KCNQ3: variants seen among roughly 807,000 people sequenced by gnomAD.
KCNQ3 encodes the protein potassium voltage-gated channel subfamily Q member 3, also known as potassium voltage-gated channel subfamily KQT member 3.
A neutral mutation model predicts 92.5 loss-of-function variants in KCNQ3; 30 were observed. The ratio of observed to expected loss-of-function variants is 0.32; its 90% CI spans 0.24 to 0.44. The LOEUF is 0.44. Among genes scored for constraint, KCNQ3 ranks in the 20% least tolerant of loss-of-function variants. The pLI is 1.00. For synonymous variants in KCNQ3, 450 were observed against 468.8 expected (o/e 0.96, Z 0.52); for missense variants, 913 against 1,140.3 (o/e 0.80, Z 2.87).
At chr8:132,438,622 T>C (rs1287050683) in intron 1 of KCNQ3, among the ~76,000 whole-genome samples, 1 of 151,940 alleles carries the variant, frequency 6.6e-6, no homozygotes, top group Non-Finnish European at 1.5e-5. Context: ...TGATGGATGG[T>C]GGTCAGCTGC....
At chr8:132,187,860 G>A (rs1429664237) in intron 1 of KCNQ3, among the ~76,000 whole-genome samples, 1 of 105,808 alleles carries the variant, frequency 9.5e-6, no homozygotes, top group Non-Finnish European at 1.9e-5. Flanking sequence ...TAGTGATGGT[G>A]GTGGTGGTGG....
At chr8:132,345,056 G>C (rs1047494493) in intron 1 of KCNQ3, among the ~76,000 whole-genome samples, 2 of 152,156 alleles carry the variant, frequency 1.3e-5, no homozygotes, top group Non-Finnish European at 2.9e-5. Context: ...TGATCCAGGG[G>C]CATAGATTGG....
At chr8:132,198,529 G>T (rs1827370671) in intron 1 of KCNQ3, among the ~76,000 whole-genome samples, 1 of 152,162 alleles carries the variant, frequency 6.6e-6, no homozygotes, top group South Asian at 2.1e-4. Flanking sequence ...AGGAGTAACG[G>T]CTGAGCACAG....
chr8:132,392,814 A>AAAAAAAAAAAAAAAAAAAC (rs397712411), intron 1 of KCNQ3, among the ~76,000 whole-genome samples: 1 of 144,158 alleles, frequency 6.9e-6, no homozygotes, highest in African/African-American at 2.5e-5. Context: ...AAAAAAAAAA[A>AAAAAAAAAAAAAAAAAAAC]GACGACAAAA....
chr8:132,180,324 A>C lies in KCNQ3; in HGVS notation c.610T>G (p.Phe204Val). 1.9e-6 allele frequency: 3 copies of C among 1,614,074 alleles called. No individual in the cohort carries two copies. Residue 204 changes from phenylalanine to valine, a missense_variant, in exon 4 of 15, where the codon TTT (phenylalanine) becomes GTT (valine). Physicochemically the swap from Phe to Val is conservative, Grantham distance 50. This residue lies in a region of KCNQ3 where 100 missense variants were observed against 217.6 expected (regional missense o/e 0.46). Transcript: ENST00000388996. ...ARKPLCMLDI[F>V]VLIASVPVVA... ...ACTGGCACAGAGGCAATCAGCACAA[A>C]GATGTCTGGGAGAGAGGACAGACAG...
intron 1 of KCNQ3, among the ~76,000 whole-genome samples, chr8:132,437,338 G>C (rs1335560513): frequency 6.6e-6 from 1 of 151,808 alleles, no homozygotes; most frequent in Non-Finnish European, 1.5e-5. Flanking sequence ...TGGTGTAGGG[G>C]ACAGGCCTAA....
intron 1 of KCNQ3, among the ~76,000 whole-genome samples, chr8:132,293,092 C>T (rs1167742731): frequency 1.3e-5 from 2 of 152,196 alleles, no homozygotes; most frequent in Admixed American, 6.5e-5. Context: ...GGTGGCGGTG[C>T]ATCCAGGGAG....
chr8:132,275,979 T>C (rs1386326738), intron 1 of KCNQ3, among the ~76,000 whole-genome samples: 1 of 152,144 alleles, frequency 6.6e-6, no homozygotes, highest in Non-Finnish European at 1.5e-5. Flanking sequence ...TAGTACAAAC[T>C]ATGATTTACT....
rs867487719 is a variant in KCNQ3, at chr8:132,445,720, C to G, written c.386+34427G>C. Among the ~76,000 whole-genome samples, 5 of 120,306 alleles carry G rather than the reference C, an allele frequency of 4.2e-5. No individual in the cohort carries two copies. The South Asian group carries it at 8.4e-4, about 20-fold the overall frequency. 78.9% of individuals were successfully genotyped at this position (120,306 alleles called of 152,430 possible). Reference sequence around the variant, plus strand: ...ATTATTATTAATATCATTTACTGAGCTCTTACTATGTGTCAGGCATTTCCC... The same window carrying G: ...ATTATTATTAATATCATTTACTGAGGTCTTACTATGTGTCAGGCATTTCCC... On this transcript the variant is annotated intron_variant, in intron 1 of 14. Transcript: ENST00000388996.
At chr8:132,328,463 C>T (rs747422514) in intron 1 of KCNQ3, among the ~76,000 whole-genome samples, 2 of 152,068 alleles carry the variant, frequency 1.3e-5, no homozygotes, top group Non-Finnish European at 2.9e-5. Flanking sequence ...AGGGAATGAT[C>T]CCCTGAGTTC....
At chr8:132,366,163 G>A (rs1390836071) in intron 1 of KCNQ3, among the ~76,000 whole-genome samples, 5 of 152,166 alleles carry the variant, frequency 3.3e-5, no homozygotes, top group Non-Finnish European at 5.9e-5. Context: ...TTTACCTTCA[G>A]AGTATTTTTA....
At chr8:132,347,477 G>A (rs773798496) in intron 1 of KCNQ3, among the ~76,000 whole-genome samples, 1 of 152,150 alleles carries the variant, frequency 6.6e-6, no homozygotes, top group African/African-American at 2.4e-5. Context: ...TTGCTAGCGG[G>A]GGAGGGAGTA....
intron 9 of KCNQ3, among the ~76,000 whole-genome samples, chr8:132,142,119 T>C (rs1825316353): frequency 6.6e-6 from 1 of 152,220 alleles, no homozygotes; most frequent in Admixed American, 6.5e-5. Flanking sequence ...TTAAAGACTT[T>C]GATAATGCTG....
intron 1 of KCNQ3, among the ~76,000 whole-genome samples, chr8:132,412,312 G>T (rs1200620397): frequency 1.3e-5 from 2 of 151,218 alleles, no homozygotes; most frequent in Non-Finnish European, 2.9e-5. Context: ...AGTCTCTATG[G>T]GGCTTAGGAA....
intron 1 of KCNQ3, among the ~76,000 whole-genome samples, chr8:132,278,507 T>C (rs914560114): frequency 2.0e-5 from 3 of 152,172 alleles, no homozygotes; most frequent in African/African-American, 7.2e-5. Context: ...TTGATGTAAG[T>C]GGAAAGGGAC....
At chr8:132,462,499 A>T (rs1822085497) in intron 1 of KCNQ3, among the ~76,000 whole-genome samples, 1 of 152,190 alleles carries the variant, frequency 6.6e-6, no homozygotes, top group African/African-American at 2.4e-5. Context: ...TGAATTGTAC[A>T]CTTTTAAATG....
intron 1 of KCNQ3, among the ~76,000 whole-genome samples, chr8:132,374,978 C>T (rs1330650157): frequency 1.3e-5 from 2 of 152,176 alleles, no homozygotes; most frequent in Non-Finnish European, 2.9e-5. Context: ...AATAGGGCTG[C>T]AGTGAACATT....
intron 1 of KCNQ3, among the ~76,000 whole-genome samples, chr8:132,435,546 G>A (rs1821370866): frequency 6.6e-6 from 1 of 152,136 alleles, no homozygotes. Context: ...TGGGGGATAT[G>A]TTTGTTATCT....
chr8:132,399,004 G>A (rs1021521530), intron 1 of KCNQ3, among the ~76,000 whole-genome samples: 63 of 152,202 alleles, frequency 4.1e-4, no homozygotes, highest in African/African-American at 1.5e-3. Flanking sequence ...CAAATTCAGT[G>A]CAGCCATATG....
Sources: allele counts gnomAD v4.1 joint callset (sites outside exome capture counted in the v4.1 genomes callset), GRCh38; gene constraint gnomAD v4.1.1; regional missense constraint gnomAD v4.1.1; transcripts MANE v1.5; gene names NCBI Gene and HGNC (gene_info 2026-07-23, HGNC 2026-07-21).